NAV2: variants seen among roughly 807,000 people sequenced by gnomAD.
NAV2 encodes the protein helicase, APC down-regulated 1.
A neutral mutation model predicts 223.2 loss-of-function variants in NAV2; 54 were observed. The observed-to-expected ratio is 0.24, with a 90% CI of 0.19 to 0.30. The LOEUF is 0.30. Ranked by LOEUF, NAV2 falls within the 10% of genes least tolerant of loss-of-function variation. The pLI is 1.00. For synonymous variants in NAV2, 1,279 were observed against 1,239.3 expected (o/e 1.03, Z -0.67); for missense variants, 2,806 against 3,147.5 (o/e 0.89, Z 2.60).
chr11:19,680,558 A>G (rs1245799362), intron 1 of NAV2, among the ~76,000 whole-genome samples: 1 of 152,154 alleles, frequency 6.6e-6, no homozygotes, highest in African/African-American at 2.4e-5. Flanking sequence ...CTGCTTAGGG[A>G]AGCAAGGAGG....
At chr11:19,966,303 T>C (rs2048765928) in intron 10 of NAV2, among the ~76,000 whole-genome samples, 1 of 152,168 alleles carries the variant, frequency 6.6e-6, no homozygotes, top group African/African-American at 2.4e-5. Context: ...CCCAGTGTGA[T>C]ATACACGGCC....
intron 1 of NAV2, among the ~76,000 whole-genome samples, chr11:19,433,440 C>G: frequency 6.6e-6 from 1 of 152,182 alleles, no homozygotes; most frequent in East Asian, 1.9e-4. Flanking sequence ...TTATTTTGTG[C>G]CTTTTAATAG....
chr11:19,757,363 G>A (rs2054315770), intron 1 of NAV2, among the ~76,000 whole-genome samples: 1 of 152,142 alleles, frequency 6.6e-6, no homozygotes, highest in Non-Finnish European at 1.5e-5. Context: ...GCATGGCAGA[G>A]TTTCTCCATA....
chr11:20,119,094 T>C lies in NAV2; in HGVS notation c.*836T>C, dbSNP rs1420189102. 2.0e-5 allele frequency: 3 copies of C among 150,938 alleles called. No homozygotes were observed. Among genetic ancestry groups the C allele is most frequent in the Non-Finnish European group, 2.9e-5 (2 of 67,848 alleles). 9.3% of individuals were successfully genotyped at this position (150,938 alleles called of 1,614,324 possible). ...TTTTTTTTTTTTTCTGCAAACACTG[T>C]GTATAGTGAGACTTGTTCTACTTTG... On this transcript the variant is annotated 3_prime_UTR_variant, in exon 38 of 38. Transcript: ENST00000349880.
At chr11:20,055,386 T>C (rs559702132) in intron 18 of NAV2, among the ~76,000 whole-genome samples, 40 of 152,360 alleles carry the variant, frequency 2.6e-4, no homozygotes, top group South Asian at 2.3e-3. Context: ...GGCAAGAGAT[T>C]CTTGTCATGC....
intron 1 of NAV2, among the ~76,000 whole-genome samples, chr11:19,439,134 G>T (rs979907342): frequency 6.6e-6 from 1 of 152,110 alleles, no homozygotes; most frequent in African/African-American, 2.4e-5. Context: ...GTTGGAAGGG[G>T]CTTGTATGAA....
At chr11:19,614,550 G>A (rs1373151377) in intron 1 of NAV2, among the ~76,000 whole-genome samples, 1 of 152,130 alleles carries the variant, frequency 6.6e-6, no homozygotes, top group African/African-American at 2.4e-5. Context: ...AGTGTGTGGT[G>A]CAGTTGTTAC....
chr11:19,717,725 G>GGT (rs1263888232), intron 1 of NAV2, among the ~76,000 whole-genome samples: 1 of 152,138 alleles, frequency 6.6e-6, no homozygotes, highest in Non-Finnish European at 1.5e-5. Context: ...ATCCGGAGAG[G>GGT]GTGTCCGTTA....
intron 1 of NAV2, among the ~76,000 whole-genome samples, chr11:19,746,475 A>G (rs1267834781): frequency 6.6e-6 from 1 of 152,220 alleles, no homozygotes; most frequent in Non-Finnish European, 1.5e-5. Flanking sequence ...ACTGCCCAGC[A>G]TTAATTACCT....
At chr11:19,500,071 C>T (rs1369796026) in intron 1 of NAV2, among the ~76,000 whole-genome samples, 1 of 152,094 alleles carries the variant, frequency 6.6e-6, no homozygotes, top group East Asian at 1.9e-4. Context: ...CATTTTCTTT[C>T]ACTAAAGAAC....
intron 1 of NAV2, among the ~76,000 whole-genome samples, chr11:19,561,162 A>C (rs1160609354): frequency 6.6e-6 from 1 of 152,216 alleles, no homozygotes; most frequent in Non-Finnish European, 1.5e-5. Flanking sequence ...CATTTCTGAT[A>C]GAAGATAAAA....
At chr11:19,467,020 G>C (rs2200566) in intron 1 of NAV2, among the ~76,000 whole-genome samples, 32,139 of 89,102 alleles carry the variant, frequency 0.36, 3,017 homozygotes, top group Non-Finnish European at 0.38. Context: ...CACACACACA[G>C]AGAGAGAGAG....
intron 10 of NAV2, among the ~76,000 whole-genome samples, chr11:19,952,369 G>T (rs1341012861): frequency 6.6e-6 from 1 of 152,198 alleles, no homozygotes; most frequent in African/African-American, 2.4e-5. Context: ...AATTAATATG[G>T]TTTTTAAACC....
chr11:19,627,706 TG>T (rs942387210), intron 1 of NAV2, among the ~76,000 whole-genome samples: 6 of 151,932 alleles, frequency 3.9e-5, no homozygotes, highest in Admixed American at 3.9e-4. Context: ...GAAGGAAGCC[TG>T]GTAAGAGAAC....
chr11:19,648,676 C>G (rs1360916307), intron 1 of NAV2, among the ~76,000 whole-genome samples: 3 of 152,184 alleles, frequency 2.0e-5, no homozygotes, highest in Non-Finnish European at 4.4e-5. Flanking sequence ...TGAGAGATCA[C>G]AGGCGTGGAC....
chr11:19,632,736 T>A (rs1256112936), intron 1 of NAV2, among the ~76,000 whole-genome samples: 1 of 152,246 alleles, frequency 6.6e-6, no homozygotes, highest in Non-Finnish European at 1.5e-5. Context: ...TGCTCTCCAC[T>A]GGGCTAGAAA....
chr11:19,415,291 C>T (rs1850318686), intron 1 of NAV2, among the ~76,000 whole-genome samples: 1 of 152,142 alleles, frequency 6.6e-6, no homozygotes, highest in South Asian at 2.1e-4. Context: ...GAAATACAAA[C>T]TACCATCAGA....
intron 1 of NAV2, among the ~76,000 whole-genome samples, chr11:19,388,909 G>A (rs917813731): frequency 3.9e-5 from 6 of 152,162 alleles, no homozygotes; most frequent in African/African-American, 1.2e-4. Flanking sequence ...ACCTATCCCA[G>A]GCCACAGCAC....
intron 5 of NAV2, among the ~76,000 whole-genome samples, chr11:19,882,322 C>G (rs932192765): frequency 6.6e-6 from 1 of 152,146 alleles, no homozygotes; most frequent in African/African-American, 2.4e-5. Context: ...AACAGATTAA[C>G]TCTCGGGAAT....
Sources: gnomAD v4.1 joint callset for allele counts (sites outside exome capture counted in the v4.1 genomes callset) on GRCh38, gnomAD v4.1.1 for gene constraint, MANE v1.5 for transcripts, NCBI Gene and HGNC (gene_info 2026-07-23, HGNC 2026-07-21) for gene names.